The following HMGA2 variants were observed in gnomAD, a reference collection of about 807,000 sequenced individuals.
The protein encoded by HMGA2 is high mobility group protein HMGI-C.
Under a neutral mutation model 19.1 loss-of-function variants are expected in HMGA2, and 8 were observed. The ratio of observed to expected loss-of-function variants is 0.42; its 90% confidence interval spans 0.25 to 0.76. HMGA2 has a LOEUF of 0.76. HMGA2 is among the 30% of genes least tolerant of loss of function. The pLI, the probability that HMGA2 is intolerant of heterozygous loss-of-function variation, is 0.28. For synonymous variants in HMGA2, 60 were observed against 48.8 expected (o/e 1.23, Z -0.96); for missense variants, 109 against 136.3 (o/e 0.80, Z 1.00).
At chr12:65,866,641 CAT>C (rs2121011744) in intron 3 of HMGA2, among the ~76,000 whole-genome samples, 1 of 152,242 alleles carries the variant, frequency 6.6e-6, no homozygotes, top group Admixed American at 6.5e-5. Flanking sequence ...TTGTGATACC[CAT>C]GTAACTACCT....
At chr12:65,938,795 A>C (rs1460444964) in intron 3 of HMGA2, among the ~76,000 whole-genome samples, 1 of 152,062 alleles carries the variant, frequency 6.6e-6, no homozygotes, top group East Asian at 1.9e-4. Flanking sequence ...GACTACTACT[A>C]TCAAATGGGT....
At chr12:65,935,295 T>C (rs1313334370) in intron 3 of HMGA2, among the ~76,000 whole-genome samples, 1 of 152,220 alleles carries the variant, frequency 6.6e-6, no homozygotes, top group Non-Finnish European at 1.5e-5. Flanking sequence ...TATAACTTGT[T>C]AAACAGTGAA....
At chr12:65,957,929 A>G (rs910400919) in intron 4 of HMGA2, 1 of 152,254 alleles carries the variant, frequency 6.6e-6, no homozygotes, top group Non-Finnish European at 1.5e-5. Flanking sequence ...TCATAGGTAA[A>G]GAAATAATCA....
At chr12:65,872,902 C>T (rs1872780447) in intron 3 of HMGA2, among the ~76,000 whole-genome samples, 2 of 152,188 alleles carry the variant, frequency 1.3e-5, no homozygotes, top group East Asian at 1.9e-4. Context: ...TCCTACTACC[C>T]ACCAGTTGAA....
intron 2 of HMGA2, among the ~76,000 whole-genome samples, chr12:65,829,790 C>T (rs1401919599): frequency 6.6e-6 from 1 of 151,956 alleles, no homozygotes; most frequent in East Asian, 1.9e-4. Context: ...CACTGACTAA[C>T]AAAATTTGTA....
intron 3 of HMGA2, among the ~76,000 whole-genome samples, chr12:65,926,111 T>C (rs1875495158): frequency 6.6e-6 from 1 of 152,240 alleles, no homozygotes. Flanking sequence ...TCCTCAGGAA[T>C]GCCAACCCCA....
intron 3 of HMGA2, among the ~76,000 whole-genome samples, chr12:65,855,400 A>G (rs996583645): frequency 1.9e-4 from 29 of 150,096 alleles, no homozygotes; most frequent in East Asian, 1.2e-3. Flanking sequence ...TATTACAACT[A>G]TGTCTCTCTC....
chr12:65,841,348 G>A (rs912402718), intron 3 of HMGA2, among the ~76,000 whole-genome samples: 2 of 152,184 alleles, frequency 1.3e-5, no homozygotes, highest in Admixed American at 1.3e-4. Context: ...AAAATATTAT[G>A]TGGTGAATTG....
chr12:65,894,807 G>A lies in HMGA2; in HGVS notation c.249+56238G>A, dbSNP rs563037295. 9.9e-5 allele frequency among the ~76,000 whole-genome samples: 15 copies of A among 152,278 alleles called. No individual in the cohort carries two copies. In the South Asian group the frequency reaches 3.1e-3, roughly 32 times the overall value. On this transcript the variant is annotated intron_variant, in intron 3 of 4. Transcript: ENST00000403681. ...GTAACTCTTAGAAAGGGCAAAGTTG[G>A]CCATAAACAGTGATGCAATAACCCC...
intron 3 of HMGA2, among the ~76,000 whole-genome samples, chr12:65,871,071 A>G (rs1227319855): frequency 2.0e-5 from 3 of 152,214 alleles, no homozygotes; most frequent in Non-Finnish European, 4.4e-5. Flanking sequence ...CTCAGTCAGA[A>G]GCCATAGTCT....
At chr12:65,831,224 T>A (rs71450831) in intron 2 of HMGA2, among the ~76,000 whole-genome samples, 4,502 of 151,920 alleles carry the variant, frequency 0.03, 80 homozygotes, top group Non-Finnish European at 0.041. Flanking sequence ...AATCTTTGCA[T>A]TTTTACAGTT....
intron 3 of HMGA2, among the ~76,000 whole-genome samples, chr12:65,882,999 T>A (rs1873497454): frequency 6.6e-6 from 1 of 152,222 alleles, no homozygotes; most frequent in Admixed American, 6.5e-5. Context: ...CAACTCCAAC[T>A]AGGAGGAAGC....
At chr12:65,840,900 C>G (rs1459123757) in intron 3 of HMGA2, among the ~76,000 whole-genome samples, 3 of 152,120 alleles carry the variant, frequency 2.0e-5, no homozygotes, top group Admixed American at 6.5e-5. Flanking sequence ...ACTCTCTCAG[C>G]CTTTCATCTC....
chr12:65,838,573 A>G lies in HMGA2; in HGVS notation c.249+4A>G. The G allele has an allele frequency of 6.3e-7, 1 of 1,598,470 alleles. No individual in the cohort carries two copies. The highest frequency in any genetic ancestry group is 8.6e-7 in the Non-Finnish European group (1 of 1,167,132). On this transcript the variant is annotated splice_donor_region_variant and intron_variant, in intron 3 of 4. Transcript: ENST00000403681. ...AAGAGGCAGACCTAGGAAATGGGTG[A>G]GTAATAAGATATAATTTTTCTTCTT...
chr12:65,939,957 T>C (rs574860881), intron 3 of HMGA2, among the ~76,000 whole-genome samples: 1 of 152,324 alleles, frequency 6.6e-6, no homozygotes, highest in Non-Finnish European at 1.5e-5. Flanking sequence ...TTCTTCTCCA[T>C]ATTTTGGTCA....
chr12:65,867,033 C>A, intron 3 of HMGA2: 1 of 441,770 alleles, frequency 2.3e-6, no homozygotes, highest in Admixed American at 2.4e-5. Flanking sequence ...TGCAGAAGAA[C>A]AAAGTAGAGA....
At chr12:65,943,133 A>G (rs892748679) in intron 3 of HMGA2, among the ~76,000 whole-genome samples, 3 of 152,150 alleles carry the variant, frequency 2.0e-5, no homozygotes, top group Non-Finnish European at 2.9e-5. Context: ...TGTCTCCCCC[A>G]TTAGACTCTA....
At chr12:65,924,003 C>A (rs1397425644) in intron 3 of HMGA2, among the ~76,000 whole-genome samples, 1 of 151,902 alleles carries the variant, frequency 6.6e-6, no homozygotes, top group African/African-American at 2.4e-5. Flanking sequence ...AGAGCAAAAC[C>A]CCATCTCAAA....
At chr12:65,841,573 T>C (rs1339867237) in intron 3 of HMGA2, among the ~76,000 whole-genome samples, 3 of 152,244 alleles carry the variant, frequency 2.0e-5, no homozygotes, top group Non-Finnish European at 2.9e-5. Context: ...GCGTTTTCCA[T>C]AGGAAATGGG....
Sources: gnomAD v4.1 joint callset for allele counts (sites outside exome capture counted in the v4.1 genomes callset) on GRCh38, gnomAD v4.1.1 for gene constraint, MANE v1.5 for transcripts, NCBI Gene and HGNC (gene_info 2026-07-23, HGNC 2026-07-21) for gene names.